Variants in AFF2 observed in about 807,000 individuals in gnomAD.
AFF2 encodes ALF transcription elongation factor 2, also known as AF4/FMR2 family member 2.
AFF2 carries 14 observed loss-of-function variants against 76.9 expected under a neutral mutation model. The observed-to-expected ratio is 0.18, with a 90% CI of 0.12 to 0.28. The LOEUF is 0.28. AFF2 is among the 10% of genes least tolerant of loss of function. The pLI, the probability that AFF2 is intolerant of heterozygous loss-of-function variation, is 1.00. For missense variants in AFF2, 868 were observed against 1,001.1 expected, an observed-to-expected ratio of 0.87 and a Z score of 1.79; for synonymous variants, 398 against 366.7, an observed-to-expected ratio of 1.09 and a Z score of -0.98.
chrX:148,646,329 GAA>G lies in AFF2; in HGVS notation c.48-5667_48-5666del, dbSNP rs200294501. On this transcript the variant is annotated intron_variant, in intron 1 of 20. Coordinates refer to ENST00000370460, the MANE Select transcript of AFF2 (RefSeq NM_002025.4). ...ATATCTCAATCAAGCTGTTATTAAT[GAA>G]AAGAGAGGACTAGAAAAGAAGCAAA... Among the ~76,000 whole-genome samples the G allele has an allele frequency of 9.0e-3, 1,002 of 111,937 alleles. 15 individuals carry two copies. The highest frequency in any genetic ancestry group is 0.03 in the African/African-American group (918 of 30,793).
chrX:148,913,669 A>G (rs1557282211), intron 9 of AFF2, among the ~76,000 whole-genome samples: 1 of 112,016 alleles, frequency 8.9e-6, no homozygotes, highest in East Asian at 2.8e-4. Context: ...AGGGAACTAA[A>G]CCATGTTATT....
intron 3 of AFF2, among the ~76,000 whole-genome samples, chrX:148,757,207 T>A (rs965251826): frequency 1.2e-4 from 13 of 112,220 alleles, no homozygotes; most frequent in African/African-American, 4.2e-4. Flanking sequence ...CACACAAATA[T>A]ACCCATTCAT....
chrX:148,771,241 C>T (rs1199833689), intron 3 of AFF2, among the ~76,000 whole-genome samples: 1 of 111,887 alleles, frequency 8.9e-6, no homozygotes, highest in Non-Finnish European at 1.9e-5. Flanking sequence ...ATGTTGAATT[C>T]CATGGGTGTT....
chrX:148,894,136 C>T (rs2071254674), intron 8 of AFF2, among the ~76,000 whole-genome samples: 1 of 111,615 alleles, frequency 9.0e-6, no homozygotes, highest in Non-Finnish European at 1.9e-5. Flanking sequence ...CTAGAATATA[C>T]CTAGAACAGT....
intron 1 of AFF2, among the ~76,000 whole-genome samples, chrX:148,612,710 A>G (rs182993211): frequency 1.8e-5 from 2 of 112,121 alleles, no homozygotes; most frequent in East Asian, 5.7e-4. Flanking sequence ...GACATTTTGT[A>G]CAAGAGAATT....
chrX:148,749,975 A>ATTTG (rs1305704339), intron 3 of AFF2, among the ~76,000 whole-genome samples: 1 of 106,975 alleles, frequency 9.3e-6, no homozygotes, highest in East Asian at 2.9e-4. Context: ...TTATTTATTT[A>ATTTG]TTTATTTTTA....
intron 1 of AFF2, among the ~76,000 whole-genome samples, chrX:148,553,338 A>G (rs781884933): frequency 5.4e-5 from 6 of 112,069 alleles, no homozygotes; most frequent in Admixed American, 1.9e-4. Context: ...GATTAATTTT[A>G]ACACTATATT....
intron 3 of AFF2, among the ~76,000 whole-genome samples, chrX:148,669,445 G>A (rs1384599857): frequency 1.2e-4 from 13 of 111,855 alleles, no homozygotes; most frequent in East Asian, 8.4e-4. Flanking sequence ...TCTGAGACTG[G>A]GCAGTTTACA....
At chrX:148,857,097 G>T (rs938840667) in intron 7 of AFF2, among the ~76,000 whole-genome samples, 1 of 111,825 alleles carries the variant, frequency 8.9e-6, no homozygotes, top group Non-Finnish European at 1.9e-5. Flanking sequence ...GGTTTTAAGA[G>T]TAGGAATGGA....
At chrX:148,531,713 C>T (rs1170819510) in intron 1 of AFF2, among the ~76,000 whole-genome samples, 1 of 112,085 alleles carries the variant, frequency 8.9e-6, no homozygotes, top group Non-Finnish European at 1.9e-5. Context: ...ATGTATACAG[C>T]ATCTATCTGT....
At chrX:148,773,722 G>GAAAGAAAGAAAGAA (rs2069628926) in intron 3 of AFF2, among the ~76,000 whole-genome samples, 3 of 104,723 alleles carry the variant, frequency 2.9e-5, no homozygotes, top group Non-Finnish European at 5.8e-5. Flanking sequence ...AAGAAAGAAA[G>GAAAGAAAGAAAGAA]AAAGAAAGAA....
intron 7 of AFF2, among the ~76,000 whole-genome samples, chrX:148,850,461 G>T (rs1227669017): frequency 1.8e-5 from 2 of 111,517 alleles, no homozygotes; most frequent in Non-Finnish European, 1.9e-5. Flanking sequence ...AAATTGATAA[G>T]CAAGGGACCA....
intron 2 of AFF2, among the ~76,000 whole-genome samples, chrX:148,661,260 C>T (rs781997798): frequency 8.9e-6 from 1 of 112,598 alleles, no homozygotes; most frequent in Non-Finnish European, 1.9e-5. Context: ...TATGAATCAT[C>T]AATATGTAAA....
intron 1 of AFF2, among the ~76,000 whole-genome samples, chrX:148,648,824 T>C (rs998186448): frequency 9.0e-6 from 1 of 111,142 alleles, no homozygotes; most frequent in Non-Finnish European, 1.9e-5. Context: ...ATTATCATAA[T>C]GTGACCAATT....
intron 7 of AFF2, among the ~76,000 whole-genome samples, chrX:148,856,245 G>A (rs1193282581): frequency 8.9e-6 from 1 of 112,132 alleles, no homozygotes; most frequent in Non-Finnish European, 1.9e-5. Flanking sequence ...TGTACTCTTA[G>A]TTTGTAGTTA....
At chrX:148,862,820 G>T (rs936736819) in intron 7 of AFF2, among the ~76,000 whole-genome samples, 1 of 111,694 alleles carries the variant, frequency 9.0e-6, no homozygotes, top group Non-Finnish European at 1.9e-5. Flanking sequence ...CAACAACAAT[G>T]AATACACAAG....
intron 12 of AFF2, among the ~76,000 whole-genome samples, 157 bp from the exon 13 acceptor site, chrX:148,962,558 T>C (rs1318236158): frequency 8.9e-6 from 1 of 112,009 alleles, no homozygotes; most frequent in Non-Finnish European, 1.9e-5. Flanking sequence ...AAGATATCTA[T>C]ATCTATGTCT....
chrX:148,631,166 C>G (rs952686038), intron 1 of AFF2, among the ~76,000 whole-genome samples: 1 of 111,504 alleles, frequency 9.0e-6, no homozygotes, highest in African/African-American at 3.3e-5. Context: ...TTGCAGGGTT[C>G]CAGAAGATTA....
chrX:148,994,510 C>G lies in AFF2; in HGVS notation c.*3178C>G, dbSNP rs1379050584. 8.9e-6 allele frequency: 1 copy of G among 112,083 alleles called. No individual in the cohort carries two copies. The highest frequency in any genetic ancestry group is 1.9e-5 in the Non-Finnish European group (1 of 53,260). 9.2% of individuals were successfully genotyped at this position (112,083 alleles called of 1,213,427 possible). A position where few individuals can be genotyped will look rare whatever the true frequency, so the allele number is the denominator to read the frequency against. On this transcript the variant is annotated 3_prime_UTR_variant, in exon 21 of 21. Transcript: ENST00000370460. ...TGACATAATTGGAAAAGCAGATTAG[C>G]TGCTACTACTTTTAAAAGACTTAAG...
Sources: gnomAD v4.1 joint callset for allele counts (sites outside exome capture counted in the v4.1 genomes callset) on GRCh38, gnomAD v4.1.1 for gene constraint, MANE v1.5 for transcripts, NCBI Gene and HGNC (gene_info 2026-07-23, HGNC 2026-07-21) for gene names.